The following SEC14L5 variants were observed in gnomAD, a reference collection of about 807,000 sequenced individuals.
SEC14L5 encodes SEC14-like protein 5.
A neutral mutation model predicts 84.6 loss-of-function variants in SEC14L5; 96 were observed. That is an observed-to-expected ratio of 1.13 (90% confidence interval 0.96 to 1.34). The LOEUF is 1.34. Ranked by LOEUF, SEC14L5 falls within the 40% of genes most tolerant of loss-of-function variation. SEC14L5 has a pLI of 0.00. For missense variants in SEC14L5, 1,224 were observed against 942.5 expected (o/e 1.30, Z -3.91); for synonymous variants, 546 against 383.4 (o/e 1.42, Z -4.95).
In SEC14L5 at chr16:4,959,266, G is replaced by A. The variant is rs1955089276; in HGVS notation, c.-51-7G>A. The A allele has an allele frequency of 1.0e-5, 14 of 1,382,306 alleles. No individual in the cohort carries two copies. Among genetic ancestry groups the A allele is most frequent in the South Asian group, 2.3e-5 (2 of 86,232 alleles). The allele number at this position is 1,382,306 out of a possible 1,614,324, so 85.6% of individuals were successfully genotyped here. On this transcript the variant is annotated splice_region_variant and splice_polypyrimidine_tract_variant and intron_variant, in intron 1 of 15. Coordinates refer to ENST00000251170, the MANE Select transcript of SEC14L5 (RefSeq NM_014692.2). The stretch of plus-strand genomic sequence containing the variant: ...GCTGCAACCTCACCAGTCACTCCTC[G>A]CCCCAGGCTCTGTGCACACCCCTGC...
rs528312744 is a variant in SEC14L5 at position 5,014,332 on chromosome 16, T to C, written c.1980-527T>C. Among the ~76,000 whole-genome samples, 30 of 152,268 alleles carry C rather than the reference T, an allele frequency of 2.0e-4. No individual in the cohort carries two copies. The South Asian group carries it at 6.2e-3, about 32-fold the overall frequency. On this transcript the variant is annotated intron_variant, in intron 15 of 15. Coordinates refer to ENST00000251170, the MANE Select transcript of SEC14L5 (RefSeq NM_014692.2). ...GGGAGGCCGAGTCACGAGGATCTCC[T>C]GATCCCAGGAGTTTGAGACCAGCCT...
chr16:4,974,422 T>A (rs1471722154), intron 2 of SEC14L5, among the ~76,000 whole-genome samples: 1 of 152,056 alleles, frequency 6.6e-6, no homozygotes, highest in East Asian at 1.9e-4. Flanking sequence ...CAGGCTGGTC[T>A]TGAACGCCTG....
intron 4 of SEC14L5, among the ~76,000 whole-genome samples, chr16:4,988,978 G>A (rs1305531933): frequency 6.6e-6 from 1 of 152,244 alleles, no homozygotes. Flanking sequence ...GTCAGAGAAG[G>A]TGGTAGGGGC....
intron 6 of SEC14L5, among the ~76,000 whole-genome samples, chr16:4,993,191 C>T (rs1029924225): frequency 5.9e-5 from 9 of 152,098 alleles, no homozygotes; most frequent in African/African-American, 2.2e-4. Context: ...TATATAGGCA[C>T]AGGCCACCAT....
Position 5,005,900 on chromosome 16 carries a change from T to C in SEC14L5, c.1303-14T>C, listed in dbSNP as rs774961175. On this transcript the variant is annotated splice_polypyrimidine_tract_variant and intron_variant, in intron 11 of 15. Coordinates refer to ENST00000251170, the MANE Select transcript of SEC14L5 (RefSeq NM_014692.2). ...AAAAAAAACCATCCATCTTGCCTTA[T>C]GTCCTGGTTTCAGATCAGCCCCTTC... The C allele has an allele frequency of 1.2e-5, 19 of 1,527,066 alleles. No individual in the cohort carries two copies. The South Asian group carries it at 1.9e-4, about 15-fold the overall frequency. 94.6% of individuals were successfully genotyped at this position (1,527,066 alleles called of 1,614,324 possible).
At chr16:4,995,560 A>T (rs1388277910) in intron 6 of SEC14L5, among the ~76,000 whole-genome samples, 1 of 151,252 alleles carries the variant, frequency 6.6e-6, no homozygotes, top group Non-Finnish European at 1.5e-5. Flanking sequence ...GGTGCACAAC[A>T]TGCATTTACT....
At chr16:4,995,447 C>T (rs578199323) in intron 6 of SEC14L5, among the ~76,000 whole-genome samples, 3 of 152,280 alleles carry the variant, frequency 2.0e-5, no homozygotes, top group South Asian at 4.1e-4. Context: ...TTGCAAGGTC[C>T]AGGCTCTGTT....
chr16:4,973,228 G>A (rs369202315), intron 2 of SEC14L5, among the ~76,000 whole-genome samples: 22 of 152,286 alleles, frequency 1.4e-4, no homozygotes, highest in Admixed American at 3.9e-4. Flanking sequence ...CCCACGCGCC[G>A]CCCTTGTCCT....
chr16:4,967,568 T>A (rs897788929), intron 2 of SEC14L5, among the ~76,000 whole-genome samples: 27,944 of 107,696 alleles, frequency 0.26, 4,111 homozygotes, highest in Admixed American at 0.37. Flanking sequence ...TTTCGTTTTT[T>A]TTTTTTTTTT....
intron 15 of SEC14L5, among the ~76,000 whole-genome samples, chr16:5,013,702 G>T (rs889513649): frequency 5.9e-5 from 9 of 151,818 alleles, no homozygotes; most frequent in African/African-American, 1.9e-4. Flanking sequence ...GGGATTACAG[G>T]TGCGTACCAC....
chr16:4,975,237 C>T (rs776686757), intron 2 of SEC14L5, among the ~76,000 whole-genome samples: 17 of 151,180 alleles, frequency 1.1e-4, no homozygotes, highest in Non-Finnish European at 1.8e-4. Context: ...CTTTGGGAGG[C>T]GGAGGTGGGC....
At position 4,990,750 on chromosome 16, in the gene SEC14L5, C is replaced by T. The variant is rs755838208; in HGVS notation, c.346-17C>T. 77 of 1,599,926 alleles carry T rather than the reference C, an allele frequency of 4.8e-5. No homozygotes were observed. The highest frequency in any genetic ancestry group is 3.4e-4 in the Middle Eastern group (2 of 5,884). The stretch of plus-strand genomic sequence containing the variant: ...CCCGACATTGAGTCCCTGGCATGAC[C>T]CCTGCCTGGCTTTCAGGTCCACCCT... On this transcript the variant is annotated splice_polypyrimidine_tract_variant and intron_variant, in intron 4 of 15. Transcript: ENST00000251170.
At chr16:4,970,811 C>T (rs372131297) in intron 2 of SEC14L5, among the ~76,000 whole-genome samples, 2 of 152,180 alleles carry the variant, frequency 1.3e-5, no homozygotes, top group African/African-American at 4.8e-5. Flanking sequence ...AAGTAGGAAC[C>T]AGTAAGAACT....
intron 2 of SEC14L5, among the ~76,000 whole-genome samples, chr16:4,976,515 A>G (rs1033586374): frequency 3.9e-5 from 6 of 152,220 alleles, no homozygotes; most frequent in Non-Finnish European, 7.3e-5. Context: ...GGGAGGTTCT[A>G]TGATTATTGC....
intron 14 of SEC14L5, among the ~76,000 whole-genome samples, chr16:5,009,544 G>C (rs1326474523): frequency 6.6e-6 from 1 of 151,976 alleles, no homozygotes; most frequent in East Asian, 1.9e-4. Context: ...GGATGATCTT[G>C]AATGCCTGAG....
At chr16:4,998,136 G>T (rs1955631864) in intron 8 of SEC14L5, among the ~76,000 whole-genome samples, 2 of 151,290 alleles carry the variant, frequency 1.3e-5, no homozygotes, top group Admixed American at 6.6e-5. Flanking sequence ...CTCCTGAGTA[G>T]CTGGGACTAC....
chr16:5,000,876 G>C lies in SEC14L5; in HGVS notation c.1081G>C (p.Gly361Arg). The C allele has an allele frequency of 1.9e-6, 3 of 1,608,388 alleles. No individual in the cohort carries two copies. Among genetic ancestry groups the C allele is most frequent in the Non-Finnish European group, 2.5e-6 (3 of 1,177,570 alleles). ...CCAGGTTCTCTCCGTCAACGAGGAA[G>C]GACAGAAGCGGTGTGAGGGGAGCAC... ...LRHVLSVNEE[G>R]QKRCEGSTRQ... The change falls in exon 10 of 16, where the codon GGA (glycine) becomes CGA (arginine). Residue 361 changes from glycine (G) to arginine (R), a missense_variant. By Grantham distance (125) the Gly-to-Arg change is moderately radical. Coordinates refer to ENST00000251170, the MANE Select transcript of SEC14L5 (RefSeq NM_014692.2).
chr16:5,012,310 G>C (rs1172211625), intron 15 of SEC14L5, among the ~76,000 whole-genome samples: 1 of 152,198 alleles, frequency 6.6e-6, no homozygotes. Flanking sequence ...TTCTGAGGCC[G>C]GGCATGTGGA....
At chr16:4,966,191 C>G (rs1283609213) in intron 2 of SEC14L5, among the ~76,000 whole-genome samples, 2 of 151,120 alleles carry the variant, frequency 1.3e-5, no homozygotes, top group African/African-American at 2.4e-5. Context: ...TGGTGTCAAT[C>G]TCCTGACCTC....
Sources: gnomAD v4.1 joint callset for allele counts (sites outside exome capture counted in the v4.1 genomes callset) on GRCh38, gnomAD v4.1.1 for gene constraint, MANE v1.5 for transcripts, NCBI Gene and HGNC (gene_info 2026-07-23, HGNC 2026-07-21) for gene names.